The following NTRK2 variants were observed in gnomAD, a reference collection of about 807,000 sequenced individuals.
NTRK2 encodes BDNF/NT-3 growth factors receptor.
NTRK2 carries 13 observed loss-of-function variants against 94.5 expected under a neutral mutation model. The observed-to-expected ratio is 0.14, with a 90% CI of 0.09 to 0.22. The LOEUF is 0.22. Among genes scored for constraint, NTRK2 ranks in the 10% least tolerant of loss-of-function variants. NTRK2 has a pLI of 1.00. For synonymous variants in NTRK2, 372 were observed against 407.4 expected (o/e 0.91, Z 1.05); for missense variants, 639 against 1,071.2 (o/e 0.60, Z 5.63).
intron 12 of NTRK2, among the ~76,000 whole-genome samples, chr9:84,777,544 T>C (rs2067168809): frequency 6.6e-6 from 1 of 152,156 alleles, no homozygotes; most frequent in African/African-American, 2.4e-5. Context: ...CAAGAGAGTT[T>C]GGAGAAGGAA....
intron 14 of NTRK2, among the ~76,000 whole-genome samples, chr9:84,930,231 G>A (rs1181921982): frequency 6.6e-6 from 1 of 152,186 alleles, no homozygotes; most frequent in Non-Finnish European, 1.5e-5. Flanking sequence ...TTGGATGTCT[G>A]GCCTCTTAGC....
At chr9:84,985,029 A>G (rs1828130459) in intron 17 of NTRK2, among the ~76,000 whole-genome samples, 1 of 152,252 alleles carries the variant, frequency 6.6e-6, no homozygotes, top group Non-Finnish European at 1.5e-5. Flanking sequence ...TGATTAAGCT[A>G]CAGATACAAG....
At chr9:84,811,505 A>T in intron 12 of NTRK2, 2 of 1,065,546 alleles carry the variant, frequency 1.9e-6, no homozygotes, top group Non-Finnish European at 2.3e-6. Flanking sequence ...CTGCCGAGTG[A>T]GAAGGCCACA....
intron 12 of NTRK2, among the ~76,000 whole-genome samples, chr9:84,859,123 G>A (rs999170041): frequency 3.3e-5 from 5 of 152,316 alleles, no homozygotes; most frequent in African/African-American, 1.2e-4. Flanking sequence ...CTTTGTATCT[G>A]CAATTCTCAT....
chr9:84,985,195 A>G (rs1251748850), intron 17 of NTRK2, among the ~76,000 whole-genome samples: 1 of 152,258 alleles, frequency 6.6e-6, no homozygotes, highest in Non-Finnish European at 1.5e-5. Context: ...CAAGCTCTTG[A>G]CATGATTTTT....
intron 14 of NTRK2, among the ~76,000 whole-genome samples, chr9:84,928,409 G>T (rs556231138): frequency 1.3e-5 from 2 of 152,150 alleles, no homozygotes; most frequent in South Asian, 4.1e-4. Flanking sequence ...TAATGAAATT[G>T]TTTATTAGGA....
chr9:84,806,987 C>T (rs2071194473), intron 12 of NTRK2, among the ~76,000 whole-genome samples: 1 of 152,258 alleles, frequency 6.6e-6, no homozygotes, highest in African/African-American at 2.4e-5. Context: ...TCTCCAATGG[C>T]ACCATGCCAC....
chr9:84,823,566 T>G (rs1251909979), intron 12 of NTRK2, among the ~76,000 whole-genome samples: 1 of 152,236 alleles, frequency 6.6e-6, no homozygotes, highest in African/African-American at 2.4e-5. Flanking sequence ...GACTACAGGT[T>G]GGGACAGTCC....
chr9:84,826,094 A>G (rs1352571819), intron 12 of NTRK2, among the ~76,000 whole-genome samples: 2 of 152,232 alleles, frequency 1.3e-5, no homozygotes, highest in African/African-American at 4.8e-5. Context: ...TCTCTGGGGA[A>G]CTTCTTCAGG....
chr9:84,996,644 A>G (rs1481106912), intron 17 of NTRK2, among the ~76,000 whole-genome samples: 3 of 152,252 alleles, frequency 2.0e-5, no homozygotes, highest in Non-Finnish European at 4.4e-5. Context: ...CCCTGCATTC[A>G]GAGTCAGAGT....
intron 2 of NTRK2, among the ~76,000 whole-genome samples, chr9:84,695,073 A>AAAAAAAAAC (rs1554694511): frequency 1.5e-5 from 2 of 133,906 alleles, no homozygotes; most frequent in Non-Finnish European, 3.1e-5. Flanking sequence ...AAAAAAAAAA[A>AAAAAAAAAC]ACACACAACA....
At chr9:84,819,374 C>G (rs2072634621) in intron 12 of NTRK2, among the ~76,000 whole-genome samples, 1 of 152,164 alleles carries the variant, frequency 6.6e-6, no homozygotes, top group African/African-American at 2.4e-5. Context: ...ACTGTTTTAC[C>G]TTACCTGTGG....
intron 12 of NTRK2, among the ~76,000 whole-genome samples, chr9:84,770,179 CACACACACACACACAA>C (rs1406226066): frequency 1.3e-5 from 2 of 151,666 alleles, no homozygotes; most frequent in Non-Finnish European, 2.9e-5. Flanking sequence ...CACACACACA[CACACACACACACACAA>C]ACACACAGCT....
chr9:84,685,882 C>T (rs1465746747), intron 2 of NTRK2, among the ~76,000 whole-genome samples: 1 of 152,216 alleles, frequency 6.6e-6, no homozygotes, highest in Non-Finnish European at 1.5e-5. Context: ...GTGCACCTGT[C>T]TGTACACACC....
At chr9:84,755,246 A>G (rs1467706456) in intron 12 of NTRK2, among the ~76,000 whole-genome samples, 1 of 152,176 alleles carries the variant, frequency 6.6e-6, no homozygotes, top group Non-Finnish European at 1.5e-5. Context: ...ATCGTAAACC[A>G]AATGCTGATG....
intron 17 of NTRK2, among the ~76,000 whole-genome samples, chr9:84,992,037 A>C (rs1330298295): frequency 6.6e-6 from 1 of 152,138 alleles, no homozygotes; most frequent in East Asian, 1.9e-4. Flanking sequence ...GACCCCAGTG[A>C]GGGAGGTGCT....
intron 2 of NTRK2, among the ~76,000 whole-genome samples, chr9:84,685,959 A>G (rs2059687932): frequency 6.6e-6 from 1 of 152,260 alleles, no homozygotes; most frequent in Middle Eastern, 3.2e-3. Flanking sequence ...CCTAGCATCT[A>G]GCACAATATC....
chr9:84,753,176 A>G (rs1261351196), intron 12 of NTRK2, among the ~76,000 whole-genome samples: 1 of 152,102 alleles, frequency 6.6e-6, no homozygotes, highest in Admixed American at 6.5e-5. Flanking sequence ...AAATAACTCA[A>G]AAAACCTCGT....
intron 14 of NTRK2, among the ~76,000 whole-genome samples, chr9:84,920,375 G>A (rs948355949): frequency 2.6e-5 from 4 of 152,138 alleles, no homozygotes; most frequent in Non-Finnish European, 2.9e-5. Flanking sequence ...CCACGCGGGC[G>A]AGACTGAGAC....
Sources: gnomAD v4.1 joint callset for allele counts (sites outside exome capture counted in the v4.1 genomes callset) on GRCh38, gnomAD v4.1.1 for gene constraint, MANE v1.5 for transcripts, NCBI Gene and HGNC (gene_info 2026-07-23, HGNC 2026-07-21) for gene names.